RBL1: variants seen among roughly 807,000 people sequenced by gnomAD.
RBL1 encodes RB transcriptional corepressor like 1, also known as retinoblastoma-like protein 1.
In RBL1, 82 loss-of-function variants were observed where a neutral mutation model predicts 123.0. The observed-to-expected ratio is 0.67, with a 90% CI of 0.56 to 0.80. The LOEUF (loss-of-function observed/expected upper bound fraction) is 0.80, where lower values mean the gene tolerates loss of function less well. Ranked by LOEUF, RBL1 falls within the 30% of genes least tolerant of loss-of-function variation. The probability of loss-of-function intolerance (pLI) is 0.00; values close to 1 mark genes in which losing one functional copy is unlikely to be tolerated. For synonymous variants in RBL1, 405 were observed against 441.3 expected (o/e 0.92, Z 1.03); for missense variants, 1,171 against 1,299.6 (o/e 0.90, Z 1.52).
chr20:37,062,906 T>C (rs1416052379), intron 7 of RBL1, among the ~76,000 whole-genome samples: 1 of 150,360 alleles, frequency 6.7e-6, no homozygotes, highest in Non-Finnish European at 1.5e-5. Flanking sequence ...GGCATGAACC[T>C]GGGAGGCGGA....
Position 37,032,855 on chromosome 20 carries a change from T to C in RBL1, c.2192A>G (p.Glu731Gly). The change falls in exon 16 of 22, where the codon GAG becomes GGG. Residue 731 changes from glutamate to glycine, a missense_variant. By Grantham distance (98) the Glu-to-Gly change is moderately conservative. Coordinates refer to ENST00000373664, the MANE Select transcript of RBL1 (RefSeq NM_002895.5). ...PLHGVANDAGEITLIPLSMNT... is the reference protein window; with the variant it reads ...PLHGVANDAGGITLIPLSMNT... ...CATGGAAAGAGGTATCAGTGTGATCTCTCCAGCATCATTTGCGACACCTGA... is the reference window on the plus strand; with the variant it reads ...CATGGAAAGAGGTATCAGTGTGATCCCTCCAGCATCATTTGCGACACCTGA... 6.2e-7 allele frequency: 1 copy of C among 1,613,940 alleles called. No individual in the cohort carries two copies. Among genetic ancestry groups the C allele is most frequent in the East Asian group, 2.2e-5 (1 of 44,840 alleles).
chr20:37,030,611 T>C (rs922969176), intron 16 of RBL1, among the ~76,000 whole-genome samples: 1 of 151,954 alleles, frequency 6.6e-6, no homozygotes, highest in African/African-American at 2.4e-5. Flanking sequence ...TCCCAGCACT[T>C]TGGGAGGCCA....
In RBL1 at chr20:37,061,205, A is replaced by T; in HGVS notation, c.1148T>A (p.Val383Asp). 1 of 1,614,124 alleles carries T rather than the reference A, an allele frequency of 6.2e-7. No homozygotes were observed. Among genetic ancestry groups the T allele is most frequent in the Non-Finnish European group, 8.5e-7 (1 of 1,179,988 alleles). Residue 383 changes from valine to aspartate, a missense_variant, in exon 9 of 22, where the codon GTC becomes GAC. Transcript: ENST00000373664. ...GGTGGCTGATGCAACAGGAGTAATG[A>T]CTGCTTCTTTTTCTCGTAAATATCT... Reference protein sequence around the residue: ...GRRYLREKEAVITPVASATQS... With the variant: ...GRRYLREKEADITPVASATQS...
At chr20:37,094,857 C>T (rs1003498297) in intron 1 of RBL1, among the ~76,000 whole-genome samples, 3 of 152,178 alleles carry the variant, frequency 2.0e-5, no homozygotes, top group Admixed American at 6.5e-5. Context: ...AGGTTAGTCT[C>T]GAACTCCTGG....
At chr20:37,084,033 C>T (rs1334700187) in intron 2 of RBL1, among the ~76,000 whole-genome samples, 2 of 150,940 alleles carry the variant, frequency 1.3e-5, no homozygotes, top group African/African-American at 2.4e-5. Flanking sequence ...CTCAGCCTCC[C>T]GAGTAGCTGG....
At chr20:37,045,396 G>A (rs957594298) in intron 12 of RBL1, among the ~76,000 whole-genome samples, 8 of 151,116 alleles carry the variant, frequency 5.3e-5, no homozygotes, top group African/African-American at 1.5e-4. Context: ...ATGAGCCACC[G>A]TGCCTGGCCC....
At chr20:37,053,844 G>A (rs1401918070) in intron 11 of RBL1, among the ~76,000 whole-genome samples, 2 of 152,068 alleles carry the variant, frequency 1.3e-5, no homozygotes, top group Admixed American at 6.6e-5. Flanking sequence ...CATATCCTGG[G>A]CTACAATATA....
At chr20:37,018,507 T>A in intron 18 of RBL1, 138 bp from the exon 19 acceptor site, 1 of 1,209,192 alleles carries the variant, frequency 8.3e-7, no homozygotes, top group Non-Finnish European at 1.1e-6. Context: ...TAAAATGTTA[T>A]TAGCTCTAGT....
chr20:37,031,150 G>A (rs2064505230), intron 16 of RBL1, among the ~76,000 whole-genome samples: 1 of 152,110 alleles, frequency 6.6e-6, no homozygotes, highest in Non-Finnish European at 1.5e-5. Flanking sequence ...ATGATTTCTT[G>A]TGTATGACAC....
At chr20:37,036,167 C>T (rs542633064) in intron 14 of RBL1, among the ~76,000 whole-genome samples, 55 of 152,302 alleles carry the variant, frequency 3.6e-4, no homozygotes, top group Admixed American at 2.2e-3. Context: ...ACCAGCTGCA[C>T]GGGTTTTTCT....
intron 19 of RBL1, among the ~76,000 whole-genome samples, chr20:37,009,213 T>C (rs1237545435): frequency 2.0e-5 from 3 of 152,080 alleles, no homozygotes; most frequent in Non-Finnish European, 4.4e-5. Flanking sequence ...TCAGTAGAGA[T>C]GGTGTTTCGC....
At chr20:37,064,930 T>C (rs1428318373) in intron 7 of RBL1, among the ~76,000 whole-genome samples, 2 of 150,532 alleles carry the variant, frequency 1.3e-5, no homozygotes, top group Non-Finnish European at 3.0e-5. Flanking sequence ...CCGGCCTCTT[T>C]CTTTTTTTTT....
At chr20:37,033,735 C>T (rs1426501403) in intron 15 of RBL1, among the ~76,000 whole-genome samples, 2 of 151,690 alleles carry the variant, frequency 1.3e-5, no homozygotes, top group African/African-American at 4.9e-5. Context: ...CCTCAGCCTC[C>T]TGAATAGTTG....
At chr20:37,033,113 G>A (rs2064541592) in intron 15 of RBL1, among the ~76,000 whole-genome samples, 1 of 150,842 alleles carries the variant, frequency 6.6e-6, no homozygotes, top group Admixed American at 6.6e-5. Context: ...GACCTCCTGG[G>A]CTCAAGTGAT....
intron 14 of RBL1, among the ~76,000 whole-genome samples, chr20:37,039,770 C>T (rs1268405644): frequency 6.6e-6 from 1 of 151,902 alleles, no homozygotes; most frequent in Non-Finnish European, 1.5e-5. Flanking sequence ...TGAGGGGGGT[C>T]TCACTATTTC....
chr20:37,051,814 T>A (rs1320749929), intron 11 of RBL1, among the ~76,000 whole-genome samples: 1 of 150,870 alleles, frequency 6.6e-6, no homozygotes, highest in Non-Finnish European at 1.5e-5. Flanking sequence ...ATTTACTAAT[T>A]AAATGACAGA....
chr20:37,031,069 A>G (rs2064504305), intron 16 of RBL1, among the ~76,000 whole-genome samples: 1 of 152,110 alleles, frequency 6.6e-6, no homozygotes, highest in Admixed American at 6.6e-5. Context: ...CATAATAAAT[A>G]TAAGAGCTAA....
chr20:37,040,145 G>T lies in RBL1; in HGVS notation c.1903+8C>A. ...ACTTTTTCATTCCTTTACCAATGTT[G>T]AACCTACCTCTTCGAAGACTCCCAC... On this transcript the variant is annotated splice_region_variant and intron_variant, in intron 14 of 21. Transcript: ENST00000373664. The T allele has an allele frequency of 2.5e-6, 4 of 1,612,344 alleles. No individual in the cohort carries two copies. In the South Asian group the frequency reaches 4.4e-5, roughly 18 times the overall value.
intron 19 of RBL1, among the ~76,000 whole-genome samples, chr20:37,015,807 C>T (rs2064241318): frequency 6.6e-6 from 1 of 151,898 alleles, no homozygotes; most frequent in Admixed American, 6.6e-5. Flanking sequence ...CTCACTGCAA[C>T]CTCTGCCGCC....
Sources: gnomAD v4.1 joint callset for allele counts (sites outside exome capture counted in the v4.1 genomes callset) on GRCh38, gnomAD v4.1.1 for gene constraint, MANE v1.5 for transcripts, NCBI Gene and HGNC (gene_info 2026-07-23, HGNC 2026-07-21) for gene names.